The following MRPL37 variants were observed in gnomAD, a reference collection of about 807,000 sequenced individuals.
MRPL37 encodes the protein large ribosomal subunit protein mL37.
In MRPL37, 34 loss-of-function variants were observed where a neutral mutation model predicts 44.1. That is an observed-to-expected ratio of 0.77 (90% CI 0.59 to 1.03). MRPL37 has a LOEUF of 1.03. Ranked by LOEUF, MRPL37 falls within the 50% of genes least tolerant of loss-of-function variation. The probability of loss-of-function intolerance (pLI) is 0.00; values close to 1 mark genes in which losing one functional copy is unlikely to be tolerated. For synonymous variants in MRPL37, 212 were observed against 219.5 expected (o/e 0.97, Z 0.30); for missense variants, 532 against 543.7 (o/e 0.98, Z 0.21).
downstream of MRPL37, among the ~76,000 whole-genome samples, chr1:54,224,674 G>A (rs1227627768): frequency 6.7e-6 from 1 of 149,430 alleles, no homozygotes; most frequent in East Asian, 2.0e-4. Context: ...ATCCGCTCCT[G>A]CTACAAGCCT....
intron 3 of MRPL37, among the ~76,000 whole-genome samples, chr1:54,209,149 G>T (rs1156595640): frequency 6.6e-6 from 1 of 152,182 alleles, no homozygotes; most frequent in Non-Finnish European, 1.5e-5. Flanking sequence ...TACCTGGTGG[G>T]CTCCTTGAGA....
At chr1:54,201,471 A>T (rs1213124272) in intron 1 of MRPL37, among the ~76,000 whole-genome samples, 1 of 152,214 alleles carries the variant, frequency 6.6e-6, no homozygotes, top group East Asian at 1.9e-4. Flanking sequence ...GGCATCCTTG[A>T]GTGACCCTGG....
At chr1:54,225,367 A>C (rs571493554), downstream of MRPL37, 11 of 1,234,108 alleles carry the variant, frequency 8.9e-6, no homozygotes, top group South Asian at 4.5e-4. Context: ...CCAAGAAGTC[A>C]CCTTGCATTT....
At chr1:54,214,647 A>G (rs1264467231) in intron 5 of MRPL37, among the ~76,000 whole-genome samples, 1 of 152,088 alleles carries the variant, frequency 6.6e-6, no homozygotes, top group Non-Finnish European at 1.5e-5. Flanking sequence ...AGCTATTGCC[A>G]TCAGAGTCTG....
chr1:54,223,080 C>T (rs1272037913), downstream of MRPL37, among the ~76,000 whole-genome samples: 2 of 152,206 alleles, frequency 1.3e-5, no homozygotes, highest in African/African-American at 2.4e-5. Context: ...CCAGGTTCTG[C>T]GGCTCCGCAG....
At chr1:54,220,573 G>A (rs1052216913), downstream of MRPL37, 4 of 457,168 alleles carry the variant, frequency 8.7e-6, no homozygotes, top group Non-Finnish European at 1.8e-5. Context: ...GTGAAGAGCT[G>A]GGAAGCTCGT....
chr1:54,219,004 G>A (rs986102023), downstream of MRPL37, among the ~76,000 whole-genome samples: 5 of 152,226 alleles, frequency 3.3e-5, no homozygotes, highest in African/African-American at 4.8e-5. Flanking sequence ...TCAGCTTCCC[G>A]AGGAAACACT....
chr1:54,222,016 GGC>G (rs986610442), downstream of MRPL37, among the ~76,000 whole-genome samples: 1 of 152,206 alleles, frequency 6.6e-6, no homozygotes, highest in African/African-American at 2.4e-5. Context: ...CCCACACCTG[GGC>G]GCCTACCCAC....
At chr1:54,206,320 G>A (rs1219001498) in intron 3 of MRPL37, among the ~76,000 whole-genome samples, 1 of 151,958 alleles carries the variant, frequency 6.6e-6, no homozygotes, top group Non-Finnish European at 1.5e-5. Context: ...CACCATGTTA[G>A]CCAGGATGGT....
rs753073235 is a variant in MRPL37, at chr1:54,205,388, G to A, written c.624G>A (p.Thr208=). 50 of 1,613,740 alleles carry A rather than the reference G, an allele frequency of 3.1e-5. No individual in the cohort carries two copies. Among genetic ancestry groups the A allele is most frequent in the Non-Finnish European group, 3.6e-5 (43 of 1,179,904 alleles). ...GGAGGATCTGTGTCCAAAACTCCACGTTTTCTGCTACCTGGAACCGAGGTT... is the reference window on the plus strand; with the variant it reads ...GGAGGATCTGTGTCCAAAACTCCACATTTTCTGCTACCTGGAACCGAGGTT... ...LARRICVQNS[T]FSATWNRESL... is the part of the protein sequence containing the mutation. The change falls in exon 3 of 7, where the codon ACG becomes ACA. Residue 208 remains threonine, a synonymous_variant. Coordinates refer to ENST00000360840, the MANE Select transcript of MRPL37 (RefSeq NM_016491.4).
intron 3 of MRPL37, among the ~76,000 whole-genome samples, chr1:54,209,125 A>G (rs182805866): frequency 9.9e-5 from 15 of 152,220 alleles, no homozygotes; most frequent in African/African-American, 3.6e-4. Flanking sequence ...CATCCTTTTC[A>G]CTGTAGCACT....
rs888865162 is a variant in MRPL37 at position 54,214,961 on chromosome 1, A to T, written c.991-1180A>T. On this transcript the variant is annotated intron_variant, in intron 5 of 6. Coordinates refer to ENST00000360840, the MANE Select transcript of MRPL37 (RefSeq NM_016491.4). ...AACAGCCCCAGTGTGGCCCACACTG[A>T]GGTCTGACATTAGGTATTCCTAATG... 2.6e-5 allele frequency among the ~76,000 whole-genome samples: 4 copies of T among 152,298 alleles called. No individual in the cohort carries two copies. The East Asian group carries it at 5.8e-4, about 22-fold the overall frequency.
downstream of MRPL37, chr1:54,225,312 TCAAA>T (rs1644269872): frequency 8.1e-7 from 1 of 1,233,912 alleles, no homozygotes. Flanking sequence ...GGCAGACGCC[TCAAA>T]CACAAAACAT....
chr1:54,215,135 T>C (rs1644188800), intron 5 of MRPL37, among the ~76,000 whole-genome samples: 2 of 152,146 alleles, frequency 1.3e-5, no homozygotes, highest in South Asian at 4.1e-4. Context: ...ACCATATGAT[T>C]TATCTCCCAA....
downstream of MRPL37, among the ~76,000 whole-genome samples, chr1:54,224,355 C>T (rs1029475447): frequency 1.3e-5 from 2 of 152,240 alleles, no homozygotes; most frequent in Non-Finnish European, 2.9e-5. Flanking sequence ...CCCATTTGGA[C>T]TCTCCCCACG....
chr1:54,208,548 CAAAAA>C (rs57185627), intron 3 of MRPL37, among the ~76,000 whole-genome samples: 1 of 70,956 alleles, frequency 1.4e-5, no homozygotes. Context: ...GACTCCGTCT[CAAAAA>C]AAAAAAAAAA....
chr1:54,217,771 A>G (rs980768593), intron 6 of MRPL37, among the ~76,000 whole-genome samples: 3 of 152,220 alleles, frequency 2.0e-5, no homozygotes, highest in Non-Finnish European at 4.4e-5. Context: ...GAGGACAGGA[A>G]CCAGAGTCAA....
intron 5 of MRPL37, among the ~76,000 whole-genome samples, chr1:54,215,845 C>T (rs1023238564): frequency 6.6e-6 from 1 of 152,186 alleles, no homozygotes; most frequent in African/African-American, 2.4e-5. Context: ...AGCTGGCCTG[C>T]CTGAACTCTG....
chr1:54,223,172 G>A (rs1644247475), downstream of MRPL37, among the ~76,000 whole-genome samples: 1 of 152,168 alleles, frequency 6.6e-6, no homozygotes, highest in Non-Finnish European at 1.5e-5. Context: ...CCAACCCCCA[G>A]CCCCAACTCC....
Sources: gnomAD v4.1 joint callset for allele counts (sites outside exome capture counted in the v4.1 genomes callset) on GRCh38, gnomAD v4.1.1 for gene constraint, MANE v1.5 for transcripts, NCBI Gene and HGNC (gene_info 2026-07-23, HGNC 2026-07-21) for gene names.